Variants in USH2A observed in about 807,000 individuals in gnomAD.
The protein encoded by USH2A is usherin, also known as Usher syndrome 2A (autosomal recessive, mild).
In USH2A, 443 loss-of-function variants were observed where a neutral mutation model predicts 538.9. That is an observed-to-expected ratio of 0.82 (90% CI 0.76 to 0.89). The LOEUF is 0.89. USH2A is among the 40% of genes least tolerant of loss of function. USH2A has a pLI of 0.00. For missense variants in USH2A, 6,633 were observed against 6,324.8 expected (o/e 1.05, Z -1.65); for synonymous variants, 2,413 against 2,273.5 (o/e 1.06, Z -1.75).
intron 34 of USH2A, among the ~76,000 whole-genome samples, chr1:215,993,629 C>T (rs1189730125): frequency 6.6e-6 from 1 of 152,122 alleles, no homozygotes; most frequent in African/African-American, 2.4e-5. Flanking sequence ...AAAAGATGTG[C>T]AGCAAATACA....
chr1:215,891,918 C>A (rs559130952), intron 40 of USH2A, among the ~76,000 whole-genome samples: 1 of 152,272 alleles, frequency 6.6e-6, no homozygotes, highest in African/African-American at 2.4e-5. Flanking sequence ...CAGGAGCATC[C>A]TTTCTGTCCA....
chr1:215,876,066 T>C (rs1664760379), intron 43 of USH2A, among the ~76,000 whole-genome samples: 1 of 151,790 alleles, frequency 6.6e-6, no homozygotes, highest in Non-Finnish European at 1.5e-5. Context: ...TATTTATCTT[T>C]TGTTCCTTAT....
chr1:216,143,427 T>C (rs1207870880), intron 21 of USH2A, among the ~76,000 whole-genome samples: 1 of 152,144 alleles, frequency 6.6e-6, no homozygotes, highest in Non-Finnish European at 1.5e-5. Flanking sequence ...AGGTGATTAA[T>C]AAATATAAAG....
intron 15 of USH2A, among the ~76,000 whole-genome samples, chr1:216,216,558 T>C (rs1308104877): frequency 2.6e-5 from 4 of 152,070 alleles, no homozygotes; most frequent in Admixed American, 2.6e-4. Flanking sequence ...AAGGAGAATA[T>C]GCATAGCACA....
intron 21 of USH2A, among the ~76,000 whole-genome samples, chr1:216,133,131 T>G (rs940737086): frequency 6.6e-5 from 10 of 152,314 alleles, no homozygotes; most frequent in African/African-American, 2.2e-4. Flanking sequence ...GAATATTTAT[T>G]TGCATACTGA....
In USH2A at chr1:216,179,226, T is replaced by C. The variant is rs368149190; in HGVS notation, c.4397-3744A>G. Among the ~76,000 whole-genome samples, 19 of 152,172 alleles carry C rather than the reference T, an allele frequency of 1.2e-4. No individual in the cohort carries two copies. In the East Asian group the frequency reaches 1.9e-3, roughly 16 times the overall value. On this transcript the variant is annotated intron_variant, in intron 20 of 71. Transcript: ENST00000307340. ...AAACAGGAATATAGATTAAGAGTAA[T>C]AGGAAACAAAACTAAACAAAAGGAA... is the stretch of plus-strand genomic sequence containing the variant.
intron 30 of USH2A, among the ~76,000 whole-genome samples, chr1:216,064,783 G>A (rs1439133741): frequency 6.6e-6 from 1 of 152,064 alleles, no homozygotes; most frequent in Non-Finnish European, 1.5e-5. Context: ...AGGAACAATA[G>A]GCTACACCAT....
chr1:215,716,869 T>G (rs1659502725), intron 61 of USH2A, among the ~76,000 whole-genome samples: 1 of 152,204 alleles, frequency 6.6e-6, no homozygotes, highest in Admixed American at 6.5e-5. Flanking sequence ...TGCTGTCAGA[T>G]TGGTCAGATT....
chr1:216,174,577 A>G (rs2034338257), intron 21 of USH2A: 1 of 981,128 alleles, frequency 1.0e-6, no homozygotes, highest in African/African-American at 1.8e-5. Flanking sequence ...AAAATATTGC[A>G]TTAAAATTTA....
chr1:215,877,130 GTTAAGTGATTT>G (rs1260236181), intron 43 of USH2A, among the ~76,000 whole-genome samples: 2 of 152,164 alleles, frequency 1.3e-5, no homozygotes, highest in Non-Finnish European at 2.9e-5. Flanking sequence ...GCCCAGAGAA[GTTAAGTGATTT>G]TTAAGTAGTG....
At chr1:215,723,352 C>A (rs1020604455) in intron 61 of USH2A, among the ~76,000 whole-genome samples, 1 of 152,164 alleles carries the variant, frequency 6.6e-6, no homozygotes, top group Non-Finnish European at 1.5e-5. Context: ...CCACGGAGGG[C>A]CCCCACTGCC....
intron 32 of USH2A, among the ~76,000 whole-genome samples, chr1:216,000,782 T>C (rs1668250875): frequency 6.6e-6 from 1 of 152,204 alleles, no homozygotes; most frequent in Admixed American, 6.5e-5. Flanking sequence ...AACTCTTGTT[T>C]TGACTTTTTC....
chr1:215,647,520 A>G lies in USH2A; in HGVS notation c.14791+2T>C, dbSNP rs1553250050. ...CTTATGGTAGCAGCCACTTATACTCACATTCTTTTTGGGTGGTGAAACTGA... is the reference window on the plus strand; with the variant it reads ...CTTATGGTAGCAGCCACTTATACTCGCATTCTTTTTGGGTGGTGAAACTGA... On this transcript the variant is annotated splice_donor_variant, in intron 67 of 71. Coordinates refer to ENST00000307340, the MANE Select transcript of USH2A (RefSeq NM_206933.4). LOFTEE classifies it high-confidence loss of function. 1.2e-6 allele frequency: 2 copies of G among 1,613,720 alleles called. No individual in the cohort carries two copies. Among genetic ancestry groups the G allele is most frequent in the Non-Finnish European group, 1.7e-6 (2 of 1,179,928 alleles).
chr1:215,886,638 T>C (rs1665064531), intron 41 of USH2A: 1 of 152,216 alleles, frequency 6.6e-6, no homozygotes. Flanking sequence ...CCTTGTGGCC[T>C]CAGGTGAGTG....
At chr1:216,179,991 T>A (rs2034461714) in intron 20 of USH2A, among the ~76,000 whole-genome samples, 1 of 152,134 alleles carries the variant, frequency 6.6e-6, no homozygotes, top group East Asian at 1.9e-4. Flanking sequence ...CTGCTCCCAC[T>A]TTCCCATCTG....
At chr1:215,681,419 T>C (rs534766599) in intron 61 of USH2A, among the ~76,000 whole-genome samples, 73 of 152,228 alleles carry the variant, frequency 4.8e-4, no homozygotes, top group South Asian at 1.2e-3. Context: ...AAGTTTTGAC[T>C]GGGTTAGTAG....
intron 40 of USH2A, among the ~76,000 whole-genome samples, chr1:215,893,095 C>A (rs1981227): frequency 0.057 from 8,610 of 152,182 alleles, 864 homozygotes; most frequent in African/African-American, 0.2. Context: ...AAGGTCATCA[C>A]ATTCACTCCT....
chr1:216,418,400 C>A, intron 3 of USH2A, 114 bp downstream of exon 3: 1 of 1,232,448 alleles, frequency 8.1e-7, no homozygotes, highest in South Asian at 1.3e-5. Context: ...TTATACACAC[C>A]TGAAATCTAA....
chr1:216,048,807 C>G (rs1308609594), intron 30 of USH2A, among the ~76,000 whole-genome samples, 160 bp from the exon 31 acceptor site: 1 of 152,142 alleles, frequency 6.6e-6, no homozygotes, highest in South Asian at 2.1e-4. Context: ...TCATTTTCCT[C>G]CCTTTCTGCT....
Sources: allele counts gnomAD v4.1 joint callset (sites outside exome capture counted in the v4.1 genomes callset), GRCh38; gene constraint gnomAD v4.1.1; transcripts MANE v1.5; gene names NCBI Gene and HGNC (gene_info 2026-07-23, HGNC 2026-07-21).